The following SDK1 variants were observed in gnomAD, a reference collection of about 807,000 sequenced individuals.
The protein encoded by SDK1 is protein sidekick-1.
SDK1 carries 157 observed loss-of-function variants against 245.5 expected under a neutral mutation model. The observed-to-expected ratio is 0.64, with a 90% confidence interval of 0.56 to 0.73. The LOEUF is 0.73. Ranked by LOEUF, SDK1 falls within the 30% of genes least tolerant of loss-of-function variation. The pLI is 0.00. For missense variants in SDK1, 3,583 were observed against 3,002.3 expected (o/e 1.19, Z -4.52); for synonymous variants, 1,647 against 1,278.5 (o/e 1.29, Z -6.15).
chr7:3,972,575 T>C (rs1782570022), intron 12 of SDK1, among the ~76,000 whole-genome samples: 1 of 152,070 alleles, frequency 6.6e-6, no homozygotes, highest in Admixed American at 6.5e-5. Context: ...AAAAAGGAAA[T>C]ATCCAGTCAT....
intron 14 of SDK1, among the ~76,000 whole-genome samples, chr7:4,000,505 C>T (rs1784993551): frequency 6.6e-6 from 1 of 152,126 alleles, no homozygotes; most frequent in Non-Finnish European, 1.5e-5. Context: ...CTCTGAGCTG[C>T]ACGGCTGGGT....
chr7:3,562,471 C>T (rs1438614188), intron 1 of SDK1, among the ~76,000 whole-genome samples: 4 of 152,022 alleles, frequency 2.6e-5, no homozygotes, highest in Non-Finnish European at 5.9e-5. Flanking sequence ...TAGAGGGATG[C>T]ATGGGTGCTA....
intron 17 of SDK1, among the ~76,000 whole-genome samples, chr7:4,024,053 T>C (rs911959971): frequency 1.3e-5 from 2 of 152,258 alleles, no homozygotes; most frequent in East Asian, 3.8e-4. Context: ...ACCAAGATTT[T>C]CCTTTTTTTC....
intron 4 of SDK1, among the ~76,000 whole-genome samples, chr7:3,706,041 T>G (rs1305978425): frequency 1.3e-5 from 2 of 152,224 alleles, no homozygotes; most frequent in Admixed American, 6.5e-5. Flanking sequence ...GTTTTTGTTT[T>G]TAATTCTTTT....
chr7:3,534,452 A>C (rs1456291439), intron 1 of SDK1, among the ~76,000 whole-genome samples: 2 of 152,090 alleles, frequency 1.3e-5, no homozygotes, highest in African/African-American at 4.8e-5. Context: ...TTTTTTGAGA[A>C]ACCTCCATAC....
chr7:3,449,217 C>G (rs1379409510), intron 1 of SDK1, among the ~76,000 whole-genome samples: 1 of 152,122 alleles, frequency 6.6e-6, no homozygotes, highest in Non-Finnish European at 1.5e-5. Context: ...AAAGCTGCAC[C>G]TACAGAGAGA....
At chr7:3,942,450 T>C (rs1780403087) in intron 5 of SDK1, among the ~76,000 whole-genome samples, 1 of 152,202 alleles carries the variant, frequency 6.6e-6, no homozygotes, top group Non-Finnish European at 1.5e-5. Flanking sequence ...TAAAGCATTT[T>C]TCTAACTGTT....
At chr7:3,798,992 T>C (rs1159371445) in intron 4 of SDK1, among the ~76,000 whole-genome samples, 1 of 152,230 alleles carries the variant, frequency 6.6e-6, no homozygotes, top group Non-Finnish European at 1.5e-5. Flanking sequence ...CTCATTCTTC[T>C]ACATTTATTA....
chr7:3,960,709 G>C (rs1163568732), intron 8 of SDK1, among the ~76,000 whole-genome samples: 1 of 152,178 alleles, frequency 6.6e-6, no homozygotes, highest in African/African-American at 2.4e-5. Context: ...TTCTGTTTCT[G>C]TTCTTCTCTG....
At chr7:3,533,847 T>G (rs538536625) in intron 1 of SDK1, among the ~76,000 whole-genome samples, 1 of 152,284 alleles carries the variant, frequency 6.6e-6, no homozygotes, top group African/African-American at 2.4e-5. Flanking sequence ...ATATATTTCC[T>G]TTTGCTTTCT....
chr7:3,556,931 TCA>T (rs1779606465), intron 1 of SDK1, among the ~76,000 whole-genome samples: 1 of 152,112 alleles, frequency 6.6e-6, no homozygotes. Context: ...TATGTCTGTA[TCA>T]CAATATCTCA....
intron 1 of SDK1, among the ~76,000 whole-genome samples, chr7:3,488,036 G>C (rs890027237): frequency 6.6e-5 from 10 of 152,152 alleles, no homozygotes; most frequent in African/African-American, 2.4e-5. Flanking sequence ...TATTAGACTA[G>C]AGGCTTGTTT....
At chr7:3,504,265 C>CGTCGTTGTTGTTGTT (rs559796677) in intron 1 of SDK1, among the ~76,000 whole-genome samples, 1 of 146,544 alleles carries the variant, frequency 6.8e-6, no homozygotes, top group Admixed American at 6.9e-5. Flanking sequence ...CTGTTGTTGT[C>CGTCGTTGTTGTTGTT]GTTGTTGTTG....
chr7:3,332,963 C>CGA (rs1780106792), intron 1 of SDK1, among the ~76,000 whole-genome samples: 1 of 152,176 alleles, frequency 6.6e-6, no homozygotes, highest in South Asian at 2.1e-4. Context: ...GCCTGGGGAA[C>CGA]GAGCCTCTTT....
chr7:4,231,165 C>T (rs1436572484), intron 40 of SDK1, among the ~76,000 whole-genome samples: 1 of 152,170 alleles, frequency 6.6e-6, no homozygotes, highest in Non-Finnish European at 1.5e-5. Context: ...GTGTGTGAAC[C>T]TCAGCATCCT....
chr7:3,512,376 C>T (rs181157596), intron 1 of SDK1, among the ~76,000 whole-genome samples: 4 of 152,152 alleles, frequency 2.6e-5, no homozygotes, highest in African/African-American at 7.2e-5. Flanking sequence ...TGAAGAATAT[C>T]TTGGTTGCTT....
intron 1 of SDK1, among the ~76,000 whole-genome samples, chr7:3,305,874 C>T (rs1043910349): frequency 2.0e-5 from 3 of 152,194 alleles, no homozygotes; most frequent in Non-Finnish European, 4.4e-5. Flanking sequence ...TTATTCTTCA[C>T]AGCAGCTCCT....
chr7:4,210,748 G>A (rs1784469800), intron 38 of SDK1, among the ~76,000 whole-genome samples: 1 of 152,234 alleles, frequency 6.6e-6, no homozygotes, highest in South Asian at 2.1e-4. Context: ...GATTTTGACT[G>A]GCTTGTTTAT....
chr7:3,745,435 G>C (rs1245781554), intron 4 of SDK1, among the ~76,000 whole-genome samples: 1 of 152,156 alleles, frequency 6.6e-6, no homozygotes, highest in African/African-American at 2.4e-5. Context: ...TGCATAACTG[G>C]AGTGTGGCAT....
Sources: allele counts gnomAD v4.1 joint callset (sites outside exome capture counted in the v4.1 genomes callset), GRCh38; gene constraint gnomAD v4.1.1; transcripts MANE v1.5; gene names NCBI Gene and HGNC (gene_info 2026-07-23, HGNC 2026-07-21).